The following ADAMTSL1 variants were observed in gnomAD, a reference collection of about 807,000 sequenced individuals.
ADAMTSL1 encodes ADAMTS-like protein 1.
Under a neutral mutation model 201.8 loss-of-function variants are expected in ADAMTSL1, and 126 were observed. That is an observed-to-expected ratio of 0.62 (90% CI 0.54 to 0.72). The LOEUF (loss-of-function observed/expected upper bound fraction) is 0.72. Ranked by LOEUF, ADAMTSL1 falls within the 30% of genes least tolerant of loss-of-function variation. The pLI, the probability that ADAMTSL1 is intolerant of heterozygous loss-of-function variation, is 0.00. For missense variants in ADAMTSL1, 2,679 were observed against 2,277.8 expected (o/e 1.18, Z -3.59); for synonymous variants, 1,121 against 903.4 (o/e 1.24, Z -4.32).
chr9:18,416,175 T>A (rs1010274015), intron 2 of ADAMTSL1, among the ~76,000 whole-genome samples: 1 of 152,060 alleles, frequency 6.6e-6, no homozygotes, highest in East Asian at 1.9e-4. Flanking sequence ...ATTATTTAAA[T>A]GCCTATAAAT....
At chr9:18,000,398 C>T (rs1314637496) in intron 1 of ADAMTSL1, among the ~76,000 whole-genome samples, 2 of 151,996 alleles carry the variant, frequency 1.3e-5, no homozygotes, top group Non-Finnish European at 2.9e-5. Flanking sequence ...AGTCATCCTG[C>T]CTCACCACCC....
At chr9:18,353,052 G>A (rs1836045851) in intron 2 of ADAMTSL1, among the ~76,000 whole-genome samples, 1 of 152,312 alleles carries the variant, frequency 6.6e-6, no homozygotes, top group Admixed American at 6.5e-5. Flanking sequence ...CGCTCCTAAA[G>A]CATTAAGTCC....
chr9:18,220,521 A>T (rs1287610643), intron 2 of ADAMTSL1, among the ~76,000 whole-genome samples: 11 of 152,136 alleles, frequency 7.2e-5, no homozygotes, highest in African/African-American at 2.7e-4. Flanking sequence ...TCTCTTCTAA[A>T]CACCATATTG....
At chr9:18,391,642 A>T (rs529188664) in intron 2 of ADAMTSL1, among the ~76,000 whole-genome samples, 60 of 152,174 alleles carry the variant, frequency 3.9e-4, no homozygotes, top group Non-Finnish European at 7.4e-4. Context: ...TGAATATTTC[A>T]TGCTTCTTCC....
intron 4 of ADAMTSL1, among the ~76,000 whole-genome samples, chr9:18,579,993 AGTATGTTTTATTTTT>A (rs1216922849): frequency 6.6e-6 from 1 of 152,154 alleles, no homozygotes; most frequent in Admixed American, 6.5e-5. Context: ...AATAGAGAAA[AGTATGTTTTATTTTT>A]GTAATTAATA....
intron 2 of ADAMTSL1, among the ~76,000 whole-genome samples, chr9:18,464,789 CAA>C (rs1215111211): frequency 1.3e-5 from 2 of 151,814 alleles, no homozygotes; most frequent in Non-Finnish European, 2.9e-5. Flanking sequence ...AATTGCAGTG[CAA>C]AAAAGACAGT....
chr9:18,778,374 A>G (rs1278703717), intron 19 of ADAMTSL1, among the ~76,000 whole-genome samples: 1 of 152,216 alleles, frequency 6.6e-6, no homozygotes, highest in Non-Finnish European at 1.5e-5. Flanking sequence ...GGGTGAGCCC[A>G]TCGTGTATCT....
chr9:18,030,818 T>C (rs745602953), intron 1 of ADAMTSL1, among the ~76,000 whole-genome samples: 108 of 152,278 alleles, frequency 7.1e-4, no homozygotes, highest in Non-Finnish European at 1.3e-3. Context: ...AGGTTTGATC[T>C]CTTTACATAA....
At chr9:18,892,287 C>T (rs1230258616) in intron 25 of ADAMTSL1, 102 bp from the exon 26 acceptor site, 2 of 1,200,678 alleles carry the variant, frequency 1.7e-6, no homozygotes, top group Non-Finnish European at 2.3e-6. Context: ...AGGGCCTTGG[C>T]CCCAAATTAG....
chr9:18,636,595 A>T (rs1484007104), intron 6 of ADAMTSL1, among the ~76,000 whole-genome samples: 1 of 152,120 alleles, frequency 6.6e-6, no homozygotes, highest in African/African-American at 2.4e-5. Context: ...GGTAATCATA[A>T]CCCCAAAGAT....
intron 19 of ADAMTSL1, among the ~76,000 whole-genome samples, chr9:18,780,251 C>T (rs184530801): frequency 6.6e-6 from 1 of 152,198 alleles, no homozygotes; most frequent in Non-Finnish European, 1.5e-5. Flanking sequence ...CGGTCTTAGT[C>T]TCTTCATTTC....
At chr9:18,836,450 A>C (rs1249951153) in intron 23 of ADAMTSL1, among the ~76,000 whole-genome samples, 1 of 151,944 alleles carries the variant, frequency 6.6e-6, no homozygotes, top group Non-Finnish European at 1.5e-5. Flanking sequence ...CCAACTTGTC[A>C]ATTTTTTGCT....
At chr9:18,649,273 C>A (rs1564117572) in intron 7 of ADAMTSL1, among the ~76,000 whole-genome samples, 1 of 152,040 alleles carries the variant, frequency 6.6e-6, no homozygotes, top group Non-Finnish European at 1.5e-5. Flanking sequence ...ATTGGTTATT[C>A]TAGTTATACA....
At chr9:18,536,478 G>C (rs1242396946) in intron 3 of ADAMTSL1, among the ~76,000 whole-genome samples, 2 of 150,530 alleles carry the variant, frequency 1.3e-5, no homozygotes, top group Admixed American at 6.6e-5. Context: ...CAGCTCACAG[G>C]CTTTTAAAAA....
intron 4 of ADAMTSL1, among the ~76,000 whole-genome samples, chr9:18,616,255 C>A (rs908606538): frequency 6.6e-6 from 1 of 152,162 alleles, no homozygotes; most frequent in Non-Finnish European, 1.5e-5. Context: ...AAACTCGTGG[C>A]CTCAAGTGAT....
At position 18,892,511 on chromosome 9, in the gene ADAMTSL1, G is replaced by GCACCCAGGTCGCCAAGCGGCCTGTGGA; in HGVS notation, c.4775_4801dup (p.Val1592_Gln1600dup). ...TCCACCCCTGTGTCCAATGACATGT[G>GCACCCAGGTCGCCAAGCGGCCTGTGGA]CACCCAGGTCGCCAAGCGGCCTGTG... On this transcript the variant is annotated inframe_insertion, in exon 26 of 29. Coordinates refer to ENST00000380548, the MANE Select transcript of ADAMTSL1 (RefSeq NM_001040272.6). 1 of 1,603,506 alleles carries GCACCCAGGTCGCCAAGCGGCCTGTGGA rather than the reference G, an allele frequency of 6.2e-7. No individual in the cohort carries two copies. Among genetic ancestry groups the GCACCCAGGTCGCCAAGCGGCCTGTGGA allele is most frequent in the Non-Finnish European group, 8.5e-7 (1 of 1,175,106 alleles).
chr9:18,016,972 A>G (rs763786121), intron 1 of ADAMTSL1, among the ~76,000 whole-genome samples: 4 of 152,060 alleles, frequency 2.6e-5, no homozygotes, highest in Non-Finnish European at 4.4e-5. Context: ...TGGATGGCAG[A>G]TACCTAGCAT....
chr9:18,505,141 C>G (rs1388263588), intron 2 of ADAMTSL1, among the ~76,000 whole-genome samples, 185 bp downstream of exon 2: 1 of 152,290 alleles, frequency 6.6e-6, no homozygotes, highest in Non-Finnish European at 1.5e-5. Context: ...GTTCTTACGT[C>G]CATCTGCAGC....
At chr9:18,480,223 G>A (rs1230740375) in intron 1 of ADAMTSL1, among the ~76,000 whole-genome samples, 3 of 152,218 alleles carry the variant, frequency 2.0e-5, no homozygotes, top group East Asian at 3.9e-4. Context: ...CTTGCTACTG[G>A]GCACAATGAT....
Sources: gnomAD v4.1 joint callset for allele counts (sites outside exome capture counted in the v4.1 genomes callset) on GRCh38, gnomAD v4.1.1 for gene constraint, MANE v1.5 for transcripts, NCBI Gene and HGNC (gene_info 2026-07-23, HGNC 2026-07-21) for gene names.